The following PCDHA11 variants were observed in gnomAD, a reference collection of about 807,000 sequenced individuals.
The protein encoded by PCDHA11 is protocadherin alpha 11.
In PCDHA11, 61 loss-of-function variants were observed where a neutral mutation model predicts 70.3. The ratio of observed to expected loss-of-function variants is 0.87; its 90% CI spans 0.71 to 1.07. PCDHA11 has a LOEUF of 1.07. Among genes scored for constraint, PCDHA11 ranks in the 50% least tolerant of loss-of-function variants. The pLI, the probability that PCDHA11 is intolerant of heterozygous loss-of-function variation, is 0.00. For synonymous variants in PCDHA11, 633 were observed against 555.1 expected (o/e 1.14, Z -1.97); for missense variants, 1,324 against 1,237.5 (o/e 1.07, Z -1.05).
intron 1 of PCDHA11, among the ~76,000 whole-genome samples, chr5:140,965,730 C>T (rs1554227819): frequency 6.6e-6 from 1 of 152,166 alleles, no homozygotes; most frequent in East Asian, 1.9e-4. Flanking sequence ...AAAAATTTTA[C>T]CAGATTTTCC....
chr5:140,897,970 G>A (rs561364842), intron 1 of PCDHA11, among the ~76,000 whole-genome samples: 10 of 152,210 alleles, frequency 6.6e-5, no homozygotes, highest in Admixed American at 2.6e-4. Context: ...TGTGTCTTTT[G>A]GCTGCATAAA....
At chr5:140,949,117 T>C (rs1295254726) in intron 1 of PCDHA11, among the ~76,000 whole-genome samples, 2 of 151,762 alleles carry the variant, frequency 1.3e-5, no homozygotes, top group Admixed American at 6.6e-5. Context: ...CAAATATTTT[T>C]GGTTTTCCTA....
In PCDHA11 at chr5:140,896,536, C is replaced by CTTT. The variant is rs34213614; in HGVS notation, c.2391+25052_2391+25054dup. 9.4e-4 allele frequency among the ~76,000 whole-genome samples: 137 copies of CTTT among 145,660 alleles called. 1 individual carries two copies. Among genetic ancestry groups the CTTT allele is most frequent in the East Asian group, 2.8e-3 (14 of 5,008 alleles). On this transcript the variant is annotated intron_variant, in intron 1 of 3. Coordinates refer to ENST00000398640, the MANE Select transcript of PCDHA11 (RefSeq NM_018902.5). ...CACACCACAAAGCCCAGCTATTTTT[C>CTTT]TTTTTTTTTTTTGTATTTTAAGTAG... is the stretch of plus-strand genomic sequence containing the variant.
intron 3 of PCDHA11, among the ~76,000 whole-genome samples, chr5:141,004,049 A>T (rs1372116883): frequency 6.6e-6 from 1 of 152,208 alleles, no homozygotes; most frequent in African/African-American, 2.4e-5. Flanking sequence ...TCATTTGCTG[A>T]TACTGGCCCC....
chr5:140,984,981 A>G (rs2097130201), intron 3 of PCDHA11, among the ~76,000 whole-genome samples: 1 of 151,972 alleles, frequency 6.6e-6, no homozygotes, highest in South Asian at 2.1e-4. Flanking sequence ...TCTGTCCCCC[A>G]GGCTGGAGTC....
At chr5:140,941,191 T>TTTCTTTCTTTC (rs1487503403) in intron 1 of PCDHA11, among the ~76,000 whole-genome samples, 64 of 93,246 alleles carry the variant, frequency 6.9e-4, no homozygotes, top group South Asian at 4.2e-3. Context: ...GCTTCTTTTT[T>TTTCTTTCTTTC]TTTCTTTCTT....
At position 140,870,421 on chromosome 5, in the gene PCDHA11, G is replaced by A. The variant is rs782065685; in HGVS notation, c.1318G>A (p.Val440Ile). 1 of 1,614,216 alleles carries A rather than the reference G, an allele frequency of 6.2e-7. No homozygotes were observed. Among genetic ancestry groups the A allele is most frequent in the Non-Finnish European group, 8.5e-7 (1 of 1,180,040 alleles). The stretch of plus-strand genomic sequence containing the variant: ...GCCTTCTCTGTGGGCCACGGCCAGG[G>A]TATCCGTGGAGGTGGCCGACGTGAA... ...GSPSLWATARVSVEVADVNDN... is the reference protein window; with the variant it reads ...GSPSLWATARISVEVADVNDN... Residue 440 changes from valine (V) to isoleucine (I), a missense_variant, in exon 1 of 4, where the codon GTA becomes ATA. By Grantham distance (29) the Val-to-Ile change is conservative. Coordinates refer to ENST00000398640, the MANE Select transcript of PCDHA11 (RefSeq NM_018902.5).
chr5:140,889,824 C>A (rs1396428338), intron 1 of PCDHA11, among the ~76,000 whole-genome samples: 3 of 152,102 alleles, frequency 2.0e-5, no homozygotes, highest in African/African-American at 4.8e-5. Context: ...CATAAGAAGT[C>A]TTACAGTATG....
rs2060245016 is a variant in PCDHA11 at position 140,884,536 on chromosome 5, G to C, written c.2391+13042G>C. 5 of 1,614,090 alleles carry C rather than the reference G, an allele frequency of 3.1e-6. No individual in the cohort carries two copies. In the East Asian group the frequency reaches 1.1e-4, roughly 36 times the overall value. ...GGTCGTACTCGCAGCAGAGGCGGCC[G>C]AGGGTGTGCTCTGGGGAGGGCCCGC... On this transcript the variant is annotated intron_variant, in intron 1 of 3. Transcript: ENST00000398640.
intron 1 of PCDHA11, chr5:140,884,671 A>G (rs1554181819): frequency 1.3e-6 from 2 of 1,562,846 alleles, no homozygotes; most frequent in African/African-American, 2.7e-5. Context: ...AGGTAAGCTT[A>G]TATTTTAAAA....
In PCDHA11 at chr5:140,884,485, A is replaced by G. The variant is rs781880810; in HGVS notation, c.2391+12991A>G. 8 of 1,613,726 alleles carry G rather than the reference A, an allele frequency of 5.0e-6. No homozygotes were observed. The South Asian group carries it at 6.6e-5, about 13-fold the overall frequency. Reference sequence around the variant, plus strand: ...CGTGCGCGCCGGGCAAGCCCACTCTAGTGTGCTCCAGCGCGGCAGGGAGTT... The same window carrying G: ...CGTGCGCGCCGGGCAAGCCCACTCTGGTGTGCTCCAGCGCGGCAGGGAGTT... On this transcript the variant is annotated intron_variant, in intron 1 of 3. Transcript: ENST00000398640.
intron 1 of PCDHA11, chr5:140,926,925 G>C (rs1554203816): frequency 6.4e-7 from 1 of 1,574,118 alleles, no homozygotes; most frequent in South Asian, 1.2e-5. Context: ...TTTTATGTTT[G>C]TGGGTTTCCT....
At chr5:140,967,221 A>G (rs1198233262) in intron 1 of PCDHA11, 3 of 1,613,620 alleles carry the variant, frequency 1.9e-6, no homozygotes, top group African/African-American at 1.3e-5. Context: ...CCGCGGCCCA[A>G]CTACCAGCTT....
intron 3 of PCDHA11, among the ~76,000 whole-genome samples, chr5:140,999,859 C>T (rs2153959609): frequency 6.6e-6 from 1 of 152,256 alleles, no homozygotes; most frequent in South Asian, 2.1e-4. Context: ...TCTTCCGCTC[C>T]AAGATTACTG....
In PCDHA11 at chr5:141,009,668, G is replaced by A. The variant is rs782068657; in HGVS notation, c.2581G>A (p.Val861Ile). The change falls in exon 4 of 4, where the codon GTC becomes ATC. Residue 861 changes from valine (V) to isoleucine (I), a missense_variant. Transcript: ENST00000398640. ...AGTGTCCCCTCCAGTCGGTGCGGGTGTCAACAGCAACAGCTGGACCTTTAA... is the reference window on the plus strand; with the variant it reads ...AGTGTCCCCTCCAGTCGGTGCGGGTATCAACAGCAACAGCTGGACCTTTAA... ...GEVSPPVGAG[V>I]NSNSWTFKYG... The A allele has an allele frequency of 1.2e-6, 2 of 1,614,108 alleles. No individual in the cohort carries two copies. Among genetic ancestry groups the A allele is most frequent in the Non-Finnish European group, 1.7e-6 (2 of 1,180,018 alleles).
intron 1 of PCDHA11, among the ~76,000 whole-genome samples, chr5:140,950,992 G>A (rs2094539287): frequency 6.6e-6 from 1 of 151,384 alleles, no homozygotes; most frequent in Admixed American, 6.6e-5. Flanking sequence ...GCCTCTTTTA[G>A]CTCCATTTTT....
Position 140,969,610 on chromosome 5 carries a change from G to A in PCDHA11, c.2392-9339G>A, listed in dbSNP as rs1468528731. 9 of 723,424 alleles carry A rather than the reference G, an allele frequency of 1.2e-5. No individual in the cohort carries two copies. In the African/African-American group the frequency reaches 1.4e-4, roughly 11 times the overall value. The allele number at this position is 723,424 out of a possible 1,614,324, so 44.8% of individuals were successfully genotyped here. On this transcript the variant is annotated intron_variant, in intron 1 of 3. Transcript: ENST00000398640. ...TCTTAATATTTAATGCTAAAACACA[G>A]ATTTGTAGAGAAACAGGACAGGCCT...
intron 1 of PCDHA11, among the ~76,000 whole-genome samples, chr5:140,909,036 C>T (rs2074275767): frequency 6.6e-6 from 1 of 152,162 alleles, no homozygotes; most frequent in Non-Finnish European, 1.5e-5. Flanking sequence ...CATTTATTTT[C>T]CATACTCTGG....
chr5:140,892,910 C>T (rs1206176408), intron 1 of PCDHA11, among the ~76,000 whole-genome samples: 1 of 152,164 alleles, frequency 6.6e-6, no homozygotes, highest in Non-Finnish European at 1.5e-5. Context: ...TCCTCCTTTT[C>T]CTTCACCCTT....
Sources: allele counts gnomAD v4.1 joint callset (sites outside exome capture counted in the v4.1 genomes callset), GRCh38; gene constraint gnomAD v4.1.1; transcripts MANE v1.5; gene names NCBI Gene and HGNC (gene_info 2026-07-23, HGNC 2026-07-21).